The following PCCA variants were observed in gnomAD, a reference collection of about 807,000 sequenced individuals.
PCCA encodes propionyl-CoA carboxylase subunit alpha, also known as propionyl-CoA carboxylase alpha chain, mitochondrial.
Under a neutral mutation model 101.3 loss-of-function variants are expected in PCCA, and 74 were observed. The ratio of observed to expected loss-of-function variants is 0.73; its 90% CI spans 0.61 to 0.89. PCCA has a LOEUF of 0.89. Among genes scored for constraint, PCCA ranks in the 40% least tolerant of loss-of-function variants. The pLI, the probability that PCCA is intolerant of heterozygous loss-of-function variation, is 0.00. For missense variants in PCCA, 891 were observed against 907.0 expected, an observed-to-expected ratio of 0.98 and a Z score of 0.23; for synonymous variants, 294 against 313.6, an observed-to-expected ratio of 0.94 and a Z score of 0.66.
chr13:100,298,828 G>T (rs2065843263), intron 12 of PCCA, among the ~76,000 whole-genome samples: 1 of 149,838 alleles, frequency 6.7e-6, no homozygotes, highest in African/African-American at 2.5e-5. Flanking sequence ...AGAAACCATT[G>T]CTAAGCACTT....
chr13:100,153,237 G>T (rs566440152), intron 4 of PCCA, among the ~76,000 whole-genome samples: 36 of 152,240 alleles, frequency 2.4e-4, no homozygotes, highest in Admixed American at 2.2e-3. Flanking sequence ...AGAATTTAAG[G>T]CGTAACCTTA....
intron 4 of PCCA, among the ~76,000 whole-genome samples, chr13:100,147,356 A>G (rs965768414): frequency 1.3e-5 from 2 of 152,206 alleles, no homozygotes; most frequent in Non-Finnish European, 2.9e-5. Context: ...GACTTGCTTT[A>G]TATGCATAGT....
intron 6 of PCCA, among the ~76,000 whole-genome samples, chr13:100,164,225 C>T (rs1235375882): frequency 1.3e-5 from 2 of 152,112 alleles, no homozygotes; most frequent in Non-Finnish European, 2.9e-5. Context: ...GAGACATACA[C>T]ATGGGGTCTT....
intron 4 of PCCA, among the ~76,000 whole-genome samples, chr13:100,133,640 G>C (rs1415403522): frequency 1.3e-5 from 2 of 151,738 alleles, no homozygotes; most frequent in Admixed American, 6.6e-5. Flanking sequence ...ATTGAAAATA[G>C]TATTTCTCTA....
intron 19 of PCCA, among the ~76,000 whole-genome samples, chr13:100,412,377 GA>G (rs2078108062): frequency 6.6e-6 from 1 of 152,210 alleles, no homozygotes; most frequent in Non-Finnish European, 1.5e-5. Flanking sequence ...GAATCTGGGT[GA>G]AGGGTGTAAG....
At chr13:100,391,166 C>T (rs9513754) in intron 19 of PCCA, among the ~76,000 whole-genome samples, 31,779 of 152,014 alleles carry the variant, frequency 0.21, 4,117 homozygotes, top group Middle Eastern at 0.4. Flanking sequence ...TACAGGCGCA[C>T]GCCACCACGC....
chr13:100,440,988 C>T (rs2080327003), intron 20 of PCCA, among the ~76,000 whole-genome samples: 1 of 152,140 alleles, frequency 6.6e-6, no homozygotes, highest in Non-Finnish European at 1.5e-5. Context: ...GATGTATTTA[C>T]AGCTATGGTA....
intron 23 of PCCA, 98 bp from the exon 24 acceptor site, chr13:100,530,000 G>T: frequency 1.1e-6 from 1 of 911,566 alleles, no homozygotes. Flanking sequence ...GAGCTTGCAG[G>T]ACTGTGCATT....
At chr13:100,390,713 TA>T (rs2076757599) in intron 19 of PCCA, among the ~76,000 whole-genome samples, 1 of 152,036 alleles carries the variant, frequency 6.6e-6, no homozygotes, top group Admixed American at 6.5e-5. Flanking sequence ...GAAGTCATGT[TA>T]AAACAAAAAA....
intron 18 of PCCA, among the ~76,000 whole-genome samples, chr13:100,355,170 T>C (rs2073841245): frequency 6.6e-6 from 1 of 152,002 alleles, no homozygotes; most frequent in South Asian, 2.1e-4. Context: ...AGTCAATCGA[T>C]GTGATACATC....
intron 21 of PCCA, among the ~76,000 whole-genome samples, chr13:100,507,291 T>C (rs1366965561): frequency 6.6e-6 from 1 of 152,232 alleles, no homozygotes; most frequent in Non-Finnish European, 1.5e-5. Flanking sequence ...ATGCACCTAC[T>C]TGTTAGACAG....
chr13:100,360,841 A>G (rs1194925848), intron 18 of PCCA, among the ~76,000 whole-genome samples: 1 of 152,222 alleles, frequency 6.6e-6, no homozygotes, highest in Non-Finnish European at 1.5e-5. Flanking sequence ...ATAGGCACAC[A>G]CTAAAACCTG....
chr13:100,422,056 T>C (rs1403427795), intron 19 of PCCA, among the ~76,000 whole-genome samples: 2 of 49,816 alleles, frequency 4.0e-5, no homozygotes, highest in Non-Finnish European at 8.5e-5. Context: ...CTTTTCCTTT[T>C]CTCTTCTCTT....
rs1035716723 is a variant in PCCA, at chr13:100,260,114, C to T, written c.716+2441C>T. Among the ~76,000 whole-genome samples, 14 of 152,160 alleles carry T rather than the reference C, an allele frequency of 9.2e-5. No homozygotes were observed. In the East Asian group the frequency reaches 2.3e-3, roughly 25 times the overall value. ...TATTTTTTCTTTCTGTTATTATATC[C>T]AATCTAATAAAAAGTTGATTATATG... On this transcript the variant is annotated intron_variant, in intron 9 of 23. Transcript: ENST00000376285.
chr13:100,132,358 C>G (rs931617665), intron 4 of PCCA, among the ~76,000 whole-genome samples: 4 of 83,574 alleles, frequency 4.8e-5, no homozygotes, highest in Non-Finnish European at 1.0e-4. Context: ...CACCCTGACA[C>G]TGGCAACCAC....
At chr13:100,371,806 G>A (rs1243853496) in intron 19 of PCCA, among the ~76,000 whole-genome samples, 1 of 152,140 alleles carries the variant, frequency 6.6e-6, no homozygotes, top group African/African-American at 2.4e-5. Context: ...CAAAACCACA[G>A]TTTTCAAAAC....
intron 6 of PCCA, among the ~76,000 whole-genome samples, chr13:100,169,105 A>C (rs1001819999): frequency 6.6e-6 from 1 of 152,186 alleles, no homozygotes; most frequent in African/African-American, 2.4e-5. Context: ...ATTACATGGC[A>C]AAAAAGGCAT....
chr13:100,119,867 T>C (rs1011359223), intron 4 of PCCA, among the ~76,000 whole-genome samples: 5 of 151,608 alleles, frequency 3.3e-5, no homozygotes, highest in African/African-American at 1.2e-4. Flanking sequence ...CATTTTTATA[T>C]TATTTATTTA....
At chr13:100,377,660 A>G (rs1254529482) in intron 19 of PCCA, among the ~76,000 whole-genome samples, 1 of 151,768 alleles carries the variant, frequency 6.6e-6, no homozygotes, top group Non-Finnish European at 1.5e-5. Flanking sequence ...ACGCCCGGCT[A>G]ATTTTTTATA....
Sources: gnomAD v4.1 joint callset for allele counts (sites outside exome capture counted in the v4.1 genomes callset) on GRCh38, gnomAD v4.1.1 for gene constraint, MANE v1.5 for transcripts, NCBI Gene and HGNC (gene_info 2026-07-23, HGNC 2026-07-21) for gene names.